Variants in PLEKHM3 observed in about 807,000 individuals in gnomAD.
PLEKHM3 encodes pleckstrin homology domain-containing family M member 3.
A neutral mutation model predicts 81.8 loss-of-function variants in PLEKHM3; 45 were observed. That is an observed-to-expected ratio of 0.55 (90% CI 0.43 to 0.71). The LOEUF is 0.71. PLEKHM3 is among the 30% of genes least tolerant of loss of function. The probability of loss-of-function intolerance (pLI) is 0.00; values close to 1 mark genes in which losing one functional copy is unlikely to be tolerated. For missense variants in PLEKHM3, 788 were observed against 924.3 expected (o/e 0.85, Z 1.91); for synonymous variants, 352 against 356.4 (o/e 0.99, Z 0.14).
intron 3 of PLEKHM3, among the ~76,000 whole-genome samples, chr2:207,975,899 A>ATTTT (rs3057251): frequency 2.9e-5 from 4 of 140,084 alleles, no homozygotes; most frequent in African/African-American, 1.0e-4. Context: ...ACCTGGCACA[A>ATTTT]TTTTTTTTTT....
rs190855627 is a variant in PLEKHM3 at position 207,899,302 on chromosome 2, G to A, written c.1950+9212C>T. ...AACTGTGGGTGTGGTGGGATGGCTAGTCCAAGGCATCAAGGGATGAAATTC... is the reference window on the plus strand; with the variant it reads ...AACTGTGGGTGTGGTGGGATGGCTAATCCAAGGCATCAAGGGATGAAATTC... On this transcript the variant is annotated intron_variant, in intron 6 of 7. Transcript: ENST00000427836. Among the ~76,000 whole-genome samples, 22 of 152,326 alleles carry A rather than the reference G, an allele frequency of 1.4e-4. No homozygotes were observed. The East Asian group carries it at 4.0e-3, about 28-fold the overall frequency.
chr2:207,948,697 C>A (rs1005805780), intron 3 of PLEKHM3, among the ~76,000 whole-genome samples: 7 of 152,172 alleles, frequency 4.6e-5, no homozygotes, highest in Non-Finnish European at 8.8e-5. Context: ...ACGCCCGCCA[C>A]CACGCCCGGC....
At position 207,826,817 on chromosome 2, in the gene PLEKHM3, A is replaced by G. The variant is rs2092253986; in HGVS notation, c.*1502T>C. On this transcript the variant is annotated 3_prime_UTR_variant, in exon 8 of 8. Transcript: ENST00000427836. ...AAGGCATCTGCTCAGCGCGAAAGCT[A>G]CAGAATCTTCTCATAAAGTCTACTG... 6.6e-6 allele frequency: 1 copy of G among 152,244 alleles called. No individual in the cohort carries two copies. The highest frequency in any genetic ancestry group is 1.5e-5 in the Non-Finnish European group (1 of 68,054). 9.4% of individuals were successfully genotyped at this position (152,244 alleles called of 1,614,324 possible). A position where few individuals can be genotyped will look rare whatever the true frequency, so the allele number is the denominator to read the frequency against.
chr2:207,999,168 A>G (rs1692214024), intron 2 of PLEKHM3, among the ~76,000 whole-genome samples: 1 of 151,928 alleles, frequency 6.6e-6, no homozygotes, highest in Non-Finnish European at 1.5e-5. Flanking sequence ...TTTTTAGTAG[A>G]GACAGGGTTT....
At chr2:207,870,102 A>C (rs889192805) in intron 6 of PLEKHM3, among the ~76,000 whole-genome samples, 1 of 152,212 alleles carries the variant, frequency 6.6e-6, no homozygotes, top group African/African-American at 2.4e-5. Context: ...TGTCATGTTC[A>C]AGGTCTGCAG....
intron 5 of PLEKHM3, among the ~76,000 whole-genome samples, chr2:207,923,076 C>T (rs1362054357): frequency 2.0e-5 from 3 of 152,076 alleles, no homozygotes; most frequent in Non-Finnish European, 4.4e-5. Flanking sequence ...GATTCTGGCT[C>T]GTGGTGTGGT....
intron 3 of PLEKHM3, 63 bp from the exon 4 acceptor site, chr2:207,946,575 T>C: frequency 3.2e-6 from 5 of 1,560,260 alleles, no homozygotes; most frequent in Non-Finnish European, 4.3e-6. Context: ...CAGAACAAGG[T>C]TATAGAGCTC....
chr2:207,824,235 CATT>C lies in PLEKHM3; in HGVS notation c.*4081_*4083del, dbSNP rs2092235897. Reference sequence around the variant, plus strand: ...GTCTTGCTCCAACTTCACGTTTTCACATTATTTCAGAGTAAGAAAAGAAGTGGT... The same window carrying C: ...GTCTTGCTCCAACTTCACGTTTTCACATTTCAGAGTAAGAAAAGAAGTGGT... On this transcript the variant is annotated 3_prime_UTR_variant, in exon 8 of 8. Coordinates refer to ENST00000427836, the MANE Select transcript of PLEKHM3 (RefSeq NM_001080475.3). 1.3e-5 allele frequency: 2 copies of C among 152,188 alleles called. No individual in the cohort carries two copies. The highest frequency in any genetic ancestry group is 4.8e-5 in the African/African-American group (2 of 41,448). 9.4% of individuals were successfully genotyped at this position (152,188 alleles called of 1,614,324 possible).
intron 5 of PLEKHM3, among the ~76,000 whole-genome samples, chr2:207,924,583 G>A (rs142647164): frequency 6.6e-6 from 1 of 152,286 alleles, no homozygotes; most frequent in African/African-American, 2.4e-5. Context: ...TATTCAGGAG[G>A]CTGAGGCAGG....
At chr2:208,012,415 A>T (rs1479281804) in intron 1 of PLEKHM3, among the ~76,000 whole-genome samples, 1 of 152,234 alleles carries the variant, frequency 6.6e-6, no homozygotes, top group Non-Finnish European at 1.5e-5. Context: ...TGTAGTTCCC[A>T]AAGAAAAGAA....
At chr2:207,866,194 C>T (rs1287375911) in intron 6 of PLEKHM3, among the ~76,000 whole-genome samples, 2 of 152,074 alleles carry the variant, frequency 1.3e-5, no homozygotes, top group Non-Finnish European at 2.9e-5. Context: ...CTTGCTCTGT[C>T]ACCCAGGCTG....
At chr2:207,871,096 C>T (rs1002167445) in intron 6 of PLEKHM3, among the ~76,000 whole-genome samples, 1 of 152,186 alleles carries the variant, frequency 6.6e-6, no homozygotes, top group Non-Finnish European at 1.5e-5. Context: ...GCCTGGGTGA[C>T]AGGGCGAGAC....
chr2:207,830,118 C>T (rs2092277003), intron 7 of PLEKHM3, among the ~76,000 whole-genome samples: 1 of 152,092 alleles, frequency 6.6e-6, no homozygotes. Context: ...AGACTTCCTG[C>T]ACCCAGCAGC....
intron 1 of PLEKHM3, among the ~76,000 whole-genome samples, chr2:208,006,224 G>T (rs1692490001): frequency 1.3e-5 from 2 of 152,152 alleles, no homozygotes; most frequent in African/African-American, 2.4e-5. Flanking sequence ...CAGTACAACA[G>T]TCTGATGTCA....
In PLEKHM3 at chr2:207,846,463, C is replaced by G. The variant is rs535696899; in HGVS notation, c.2108+14642G>C. 1.4e-3 allele frequency among the ~76,000 whole-genome samples: 218 copies of G among 152,012 alleles called. 1 individual carries two copies. The highest frequency in any genetic ancestry group is 5.2e-3 in the African/African-American group (214 of 41,474). On this transcript the variant is annotated intron_variant, in intron 7 of 7. Coordinates refer to ENST00000427836, the MANE Select transcript of PLEKHM3 (RefSeq NM_001080475.3). The stretch of plus-strand genomic sequence containing the variant: ...CCCAGTGATCTTTTTATGGACTGGC[C>G]TGCCTGTGTTTATTCGATGGATCTT...
At chr2:207,922,412 C>G (rs1173857656) in intron 5 of PLEKHM3, among the ~76,000 whole-genome samples, 1 of 152,106 alleles carries the variant, frequency 6.6e-6, no homozygotes, top group East Asian at 1.9e-4. Context: ...TTTATTGCAC[C>G]ACTAGCATGT....
chr2:208,017,652 G>T (rs6756930), intron 1 of PLEKHM3, among the ~76,000 whole-genome samples: 134 of 152,178 alleles, frequency 8.8e-4, no homozygotes, highest in African/African-American at 2.8e-3. Flanking sequence ...TAAGTTTCTT[G>T]AAGAAACTTG....
intron 6 of PLEKHM3, among the ~76,000 whole-genome samples, chr2:207,904,394 C>T (rs1372272195): frequency 2.0e-5 from 3 of 152,112 alleles, no homozygotes; most frequent in Non-Finnish European, 4.4e-5. Context: ...CTTGGCCCTG[C>T]TACTAGGCCA....
intron 7 of PLEKHM3, among the ~76,000 whole-genome samples, chr2:207,858,185 T>A (rs974166870): frequency 1.3e-4 from 19 of 150,068 alleles, no homozygotes; most frequent in Non-Finnish European, 2.5e-4. Flanking sequence ...TATATATTTT[T>A]TTTTTTGAGA....
Sources: gnomAD v4.1 joint callset for allele counts (sites outside exome capture counted in the v4.1 genomes callset) on GRCh38, gnomAD v4.1.1 for gene constraint, MANE v1.5 for transcripts, NCBI Gene and HGNC (gene_info 2026-07-23, HGNC 2026-07-21) for gene names.